The following USP12 variants were observed in gnomAD, a reference collection of about 807,000 sequenced individuals.
USP12 encodes ubiquitin specific peptidase 12.
USP12 carries 19 observed loss-of-function variants against 45.5 expected under a neutral mutation model. The ratio of observed to expected loss-of-function variants is 0.42; its 90% CI spans 0.29 to 0.61. The LOEUF is 0.61. USP12 is among the 20% of genes least tolerant of loss of function. USP12 has a pLI of 0.22. For missense variants in USP12, 242 were observed against 447.7 expected (o/e 0.54, Z 4.15); for synonymous variants, 149 against 148.8 (o/e 1.00, Z -0.01).
At chr13:27,126,651 C>T (rs964989951) in intron 1 of USP12, among the ~76,000 whole-genome samples, 1 of 152,162 alleles carries the variant, frequency 6.6e-6, no homozygotes, top group African/African-American at 2.4e-5. Context: ...TGCAATAAAA[C>T]ACTGCCTCAG....
chr13:27,166,838 C>T (rs1407625975), intron 1 of USP12, among the ~76,000 whole-genome samples: 1 of 152,094 alleles, frequency 6.6e-6, no homozygotes, highest in Non-Finnish European at 1.5e-5. Context: ...AAACATATAA[C>T]CTGTCAACGC....
intron 2 of USP12, among the ~76,000 whole-genome samples, chr13:27,106,704 A>AT (rs1456936267): frequency 9.2e-5 from 14 of 151,754 alleles, no homozygotes; most frequent in African/African-American, 9.7e-5. Context: ...TAGACCATTT[A>AT]TTTTTTTTAA....
chr13:27,149,421 AAGG>A (rs2137829635), intron 1 of USP12, among the ~76,000 whole-genome samples: 1 of 152,338 alleles, frequency 6.6e-6, no homozygotes, highest in African/African-American at 2.4e-5. Flanking sequence ...CCAAATTTGA[AAGG>A]AAGAAGTAAA....
At chr13:27,079,954 G>A (rs1247627791) in intron 6 of USP12, among the ~76,000 whole-genome samples, 1 of 152,188 alleles carries the variant, frequency 6.6e-6, no homozygotes, top group Non-Finnish European at 1.5e-5. Context: ...CAAATAGAAT[G>A]CTTTATGTGA....
chr13:27,148,669 A>C (rs572028818), intron 1 of USP12, among the ~76,000 whole-genome samples: 29 of 91,960 alleles, frequency 3.2e-4, no homozygotes, highest in Middle Eastern at 6.7e-3. Context: ...GACTCAAAAA[A>C]AAAAAATTAT....
At position 27,171,607 on chromosome 13, in the gene USP12, G is replaced by A. The variant is rs1321259146; in HGVS notation, c.33C>T (p.Ala11=). Residue 11 remains alanine (A), a synonymous_variant, in exon 1 of 9, where the codon GCC becomes GCT. Coordinates refer to ENST00000282344, the MANE Select transcript of USP12 (RefSeq NM_182488.4). ...CGCCACCTACCATGGTACAGATGGA[G>A]GCGAATTTGGAGACTGTCATTAGGA... MEILMTVSKF[A]SICTMGANAS... 3 of 1,294,910 alleles carry A rather than the reference G, an allele frequency of 2.3e-6. No individual in the cohort carries two copies. Among genetic ancestry groups the A allele is most frequent in the Non-Finnish European group, 3.0e-6 (3 of 988,652 alleles). The allele number at this position is 1,294,910 out of a possible 1,614,324, so 80.2% of individuals were successfully genotyped here.
At position 27,068,410 on chromosome 13, in the gene USP12, G is replaced by A. The variant is rs1873090680; in HGVS notation, c.*873C>T. On this transcript the variant is annotated 3_prime_UTR_variant, in exon 9 of 9. Coordinates refer to ENST00000282344, the MANE Select transcript of USP12 (RefSeq NM_182488.4). ...GAGATATCAGTTCCTCCTGAAAAAGGATATTTATCTCCTCTCACTGCAGTT... is the reference window on the plus strand; with the variant it reads ...GAGATATCAGTTCCTCCTGAAAAAGAATATTTATCTCCTCTCACTGCAGTT... 6.6e-6 allele frequency: 1 copy of A among 152,478 alleles called. No individual in the cohort carries two copies. Among genetic ancestry groups the A allele is most frequent in the African/African-American group, 2.4e-5 (1 of 41,404 alleles). The allele number at this position is 152,478 out of a possible 1,614,324, so 9.4% of individuals were successfully genotyped here.
intron 6 of USP12, among the ~76,000 whole-genome samples, chr13:27,083,200 C>T (rs1190683976): frequency 6.6e-6 from 1 of 152,040 alleles, no homozygotes; most frequent in African/African-American, 2.4e-5. Context: ...GCAACATCAA[C>T]GATAACTGAT....
intron 1 of USP12, among the ~76,000 whole-genome samples, chr13:27,121,289 CACTG>C (rs1170896856): frequency 1.3e-5 from 2 of 151,156 alleles, no homozygotes; most frequent in Non-Finnish European, 2.9e-5. Context: ...CCCAAATTTC[CACTG>C]ACTATGTGAT....
In USP12 at chr13:27,156,914, G is replaced by C. The variant is rs75678597; in HGVS notation, c.48+14678C>G. The stretch of plus-strand genomic sequence containing the variant: ...ACCTACATTAGTAACAGCATGATCC[G>C]GCGGCAAAAGCACTAGACTAAATAC... On this transcript the variant is annotated intron_variant, in intron 1 of 8. Coordinates refer to ENST00000282344, the MANE Select transcript of USP12 (RefSeq NM_182488.4). 2.0e-5 allele frequency among the ~76,000 whole-genome samples: 3 copies of C among 152,264 alleles called. No individual in the cohort carries two copies. The South Asian group carries it at 6.2e-4, about 32-fold the overall frequency.
At position 27,067,577 on chromosome 13, in the gene USP12, T is replaced by A. The variant is rs552404993; in HGVS notation, c.*1706A>T. ...CATCTGTTTAAGCAGCCCAATTAAG[T>A]GACTCTGTTAAAGGTCTGCTTATGG... is the stretch of plus-strand genomic sequence containing the variant. On this transcript the variant is annotated 3_prime_UTR_variant, in exon 9 of 9. Transcript: ENST00000282344. The A allele has an allele frequency of 2.0e-5, 3 of 152,336 alleles. No individual in the cohort carries two copies. The highest frequency in any genetic ancestry group is 7.2e-5 in the African/African-American group (3 of 41,586). 9.4% of individuals were successfully genotyped at this position (152,336 alleles called of 1,614,324 possible).
chr13:27,113,981 A>G (rs1246736104), intron 2 of USP12, among the ~76,000 whole-genome samples: 1 of 152,254 alleles, frequency 6.6e-6, no homozygotes, highest in Non-Finnish European at 1.5e-5. Context: ...TTCAGGTTAA[A>G]TAGCTTTTTA....
intron 2 of USP12, among the ~76,000 whole-genome samples, chr13:27,115,318 T>C (rs997728597): frequency 3.3e-5 from 5 of 152,212 alleles, no homozygotes; most frequent in Non-Finnish European, 4.4e-5. Context: ...AGTAGCCTGT[T>C]CTGGAGAGAG....
At chr13:27,083,023 TG>T (rs551419578) in intron 6 of USP12, among the ~76,000 whole-genome samples, 1 of 152,086 alleles carries the variant, frequency 6.6e-6, no homozygotes, top group African/African-American at 2.4e-5. Flanking sequence ...TTAGTAGAGA[TG>T]GGGTTTCACC....
intron 2 of USP12, among the ~76,000 whole-genome samples, chr13:27,113,305 A>G (rs1176655801): frequency 6.6e-6 from 1 of 152,158 alleles, no homozygotes; most frequent in East Asian, 1.9e-4. Flanking sequence ...ACCCAGACAA[A>G]TAAAAAATAA....
At chr13:27,077,745 T>C (rs1873556414) in intron 6 of USP12, 2 of 152,158 alleles carry the variant, frequency 1.3e-5, no homozygotes, top group South Asian at 2.1e-4. Context: ...AAACTCATTA[T>C]GTAGATTTTG....
At chr13:27,107,242 T>C (rs939479945) in intron 2 of USP12, among the ~76,000 whole-genome samples, 5 of 152,142 alleles carry the variant, frequency 3.3e-5, no homozygotes, top group Admixed American at 6.6e-5. Flanking sequence ...TGAGAATCGC[T>C]TGAACCTGGG....
intron 4 of USP12, among the ~76,000 whole-genome samples, chr13:27,093,690 A>G (rs1874426617): frequency 6.6e-6 from 1 of 152,258 alleles, no homozygotes; most frequent in South Asian, 2.1e-4. Flanking sequence ...CAAAGGAAGT[A>G]AAAACTCACA....
chr13:27,168,822 A>AT (rs2137852629), intron 1 of USP12: 1 of 152,328 alleles, frequency 6.6e-6, no homozygotes, highest in East Asian at 1.9e-4. Context: ...CAGTTACTTA[A>AT]CCCAATTAAG....
Sources: gnomAD v4.1 joint callset for allele counts (sites outside exome capture counted in the v4.1 genomes callset) on GRCh38, gnomAD v4.1.1 for gene constraint, MANE v1.5 for transcripts, NCBI Gene and HGNC (gene_info 2026-07-23, HGNC 2026-07-21) for gene names.